Variants in NRSN1 observed in about 807,000 individuals in gnomAD.
NRSN1 encodes the protein neurensin 1.
In NRSN1, 14 loss-of-function variants were observed where a neutral mutation model predicts 17.3. The observed-to-expected ratio is 0.81, with a 90% CI of 0.54 to 1.27. NRSN1 has a LOEUF of 1.27. Among genes scored for constraint, NRSN1 ranks in the 50% most tolerant of loss-of-function variants. The pLI is 0.00. For missense variants in NRSN1, 209 were observed against 235.9 expected, an observed-to-expected ratio of 0.89 and a Z score of 0.75; for synonymous variants, 79 against 94.2, an observed-to-expected ratio of 0.84 and a Z score of 0.93.
At chr6:24,131,368 AAACAT>A (rs1760024904) in intron 2 of NRSN1, among the ~76,000 whole-genome samples, 1 of 152,202 alleles carries the variant, frequency 6.6e-6, no homozygotes, top group South Asian at 2.1e-4. Flanking sequence ...GCATCTAAGG[AAACAT>A]AACTCTTACT....
Position 24,145,704 on chromosome 6 carries a change from A to G in NRSN1, c.346A>G (p.Lys116Glu). The part of the protein sequence containing the change: ...VQFNSALDMY[K>E]LAGAVLFCIG... Reference sequence around the variant, plus strand: ...GTTTAACAGTGCTCTGGACATGTACAAGCTGGCAGGAGCTGTTCTCTTCTG... The same window carrying G: ...GTTTAACAGTGCTCTGGACATGTACGAGCTGGCAGGAGCTGTTCTCTTCTG... The change falls in exon 4 of 4, where the codon AAG becomes GAG. Residue 116 changes from lysine to glutamate, a missense_variant. Physicochemically the swap from Lys to Glu is moderately conservative, Grantham distance 56 (BLOSUM62 1). Coordinates refer to ENST00000378491, the MANE Select transcript of NRSN1 (RefSeq NM_080723.5). The surrounding 1 kb of genome is among the most constrained non-coding windows in gnomAD (Gnocchi z 4.4). 2 of 1,614,216 alleles carry G rather than the reference A, an allele frequency of 1.2e-6. No homozygotes were observed. The highest frequency in any genetic ancestry group is 1.7e-6 in the Non-Finnish European group (2 of 1,180,026).
At chr6:24,137,139 T>C (rs1018006357) in intron 3 of NRSN1, among the ~76,000 whole-genome samples, 5 of 152,238 alleles carry the variant, frequency 3.3e-5, no homozygotes, top group Admixed American at 2.6e-4. Flanking sequence ...AAGAGTCATG[T>C]TGGCCTCTCA....
Position 24,145,568 on chromosome 6 carries a change from A to G in NRSN1, c.210A>G (p.Thr70=), listed in dbSNP as rs201805273. 2 of 1,596,702 alleles carry G rather than the reference A, an allele frequency of 1.3e-6. No individual in the cohort carries two copies. The highest frequency in any genetic ancestry group is 2.3e-5 in the South Asian group (2 of 88,144). The change falls in exon 4 of 4, where the codon ACA becomes ACG. Residue 70 remains threonine (T), a synonymous_variant. Transcript: ENST00000378491. The surrounding 1 kb of genome is among the most constrained non-coding windows in gnomAD (Gnocchi z 4.4). ...TGTAGGTTGGACTCATCTCAGGTAC[A>G]GTTTTTGTGATCCTCGGATTGACTG... ...VFWKVGLISG[T]VFVILGLTVL... is the part of the protein sequence containing the mutation.
chr6:24,134,298 A>T (rs761529022), intron 2 of NRSN1, 21 bp from the exon 3 acceptor site: 128 of 1,605,368 alleles, frequency 8.0e-5, no homozygotes, highest in Middle Eastern at 1.7e-4. Context: ...GCATTAATCC[A>T]TGTGGATGTT....
chr6:24,130,794 G>A (rs1413689664), intron 2 of NRSN1, among the ~76,000 whole-genome samples: 1 of 152,080 alleles, frequency 6.6e-6, no homozygotes, highest in Non-Finnish European at 1.5e-5. Context: ...AGTAAACCTA[G>A]TTGTTCGTTC....
chr6:24,144,979 TA>T (rs1230787866), intron 3 of NRSN1, among the ~76,000 whole-genome samples: 15 of 144,642 alleles, frequency 1.0e-4, no homozygotes, highest in South Asian at 4.3e-4. Context: ...TGTACAAATT[TA>T]AAAAAAAAAG....
At chr6:24,138,366 G>C (rs1292856984) in intron 3 of NRSN1, among the ~76,000 whole-genome samples, 1 of 152,112 alleles carries the variant, frequency 6.6e-6, no homozygotes, top group Non-Finnish European at 1.5e-5. Flanking sequence ...ATCAGGCTAT[G>C]GTGGAATTTT....
intron 3 of NRSN1, among the ~76,000 whole-genome samples, chr6:24,140,342 G>C (rs1181769313): frequency 6.6e-6 from 1 of 152,190 alleles, no homozygotes; most frequent in African/African-American, 2.4e-5. Flanking sequence ...TTAGGTGGAA[G>C]AGCTGATGTG....
intron 3 of NRSN1, among the ~76,000 whole-genome samples, chr6:24,142,161 C>T (rs192993371): frequency 1.4e-5 from 2 of 138,404 alleles, no homozygotes; most frequent in Admixed American, 8.1e-5. Flanking sequence ...CCCAATTTTT[C>T]CCGTAGCACT....
At chr6:24,127,961 C>T (rs1402404) in intron 1 of NRSN1, among the ~76,000 whole-genome samples, 167 bp from the exon 2 acceptor site, 140,650 of 152,278 alleles carry the variant, frequency 0.92, 65,076 homozygotes, top group Non-Finnish European at 0.95. Flanking sequence ...TTCTAAAATA[C>T]AGTTTAGACT....
At position 24,141,150 on chromosome 6, in the gene NRSN1, G is replaced by A. The variant is rs958114378; in HGVS notation, c.190-4398G>A. 3 of 1,272,776 alleles carry A rather than the reference G, an allele frequency of 2.4e-6. No individual in the cohort carries two copies. In the African/African-American group the frequency reaches 4.6e-5, roughly 20 times the overall value. The allele number at this position is 1,272,776 out of a possible 1,614,324, so 78.8% of individuals were successfully genotyped here. ...ACTCTTCTGTGTGGCCCTAAACGAG[G>A]CTGCTTTGCTTCCTCAGAACTTTAA... On this transcript the variant is annotated intron_variant, in intron 3 of 3. Coordinates refer to ENST00000378491, the MANE Select transcript of NRSN1 (RefSeq NM_080723.5).
chr6:24,131,058 CT>C (rs1760019823), intron 2 of NRSN1, among the ~76,000 whole-genome samples: 1 of 152,168 alleles, frequency 6.6e-6, no homozygotes, highest in African/African-American at 2.4e-5. Flanking sequence ...TTTTGTGCCC[CT>C]GGAGGAGAAA....
chr6:24,141,089 G>T, intron 3 of NRSN1: 2 of 1,404,696 alleles, frequency 1.4e-6, no homozygotes, highest in Non-Finnish European at 1.9e-6. Flanking sequence ...AGGTTGCTCT[G>T]CTGAGCCTGG....
intron 3 of NRSN1, among the ~76,000 whole-genome samples, chr6:24,137,074 T>C (rs1218658035): frequency 6.6e-6 from 1 of 152,222 alleles, no homozygotes; most frequent in African/African-American, 2.4e-5. Context: ...AAATTGCATC[T>C]GTAGGTGGTT....
At chr6:24,136,693 T>A (rs1186054356) in intron 3 of NRSN1, among the ~76,000 whole-genome samples, 1 of 152,212 alleles carries the variant, frequency 6.6e-6, no homozygotes, top group South Asian at 2.1e-4. Flanking sequence ...TAAAACATAG[T>A]TATGGGTTTA....
At chr6:24,130,313 A>C (rs1014201422) in intron 2 of NRSN1, among the ~76,000 whole-genome samples, 4 of 152,306 alleles carry the variant, frequency 2.6e-5, no homozygotes, top group African/African-American at 9.6e-5. Context: ...ATAACTGCCC[A>C]GTCTTTAAAG....
At chr6:24,129,832 C>T (rs1760001626) in intron 2 of NRSN1, 1 of 152,140 alleles carries the variant, frequency 6.6e-6, no homozygotes, top group East Asian at 1.9e-4. Flanking sequence ...AGTAGAGCAT[C>T]CTTCAGAGAG....
At chr6:24,139,724 T>C (rs1218212933) in intron 3 of NRSN1, among the ~76,000 whole-genome samples, 1 of 152,170 alleles carries the variant, frequency 6.6e-6, no homozygotes, top group Non-Finnish European at 1.5e-5. Flanking sequence ...AATTAAACGC[T>C]AAAGAGAACA....
chr6:24,141,321 A>G, intron 3 of NRSN1: 2 of 1,137,266 alleles, frequency 1.8e-6, no homozygotes, highest in Admixed American at 4.3e-5. Context: ...TATCCTTTCC[A>G]GTACTCAGCA....
Sources: allele counts gnomAD v4.1 joint callset (sites outside exome capture counted in the v4.1 genomes callset), GRCh38; gene constraint gnomAD v4.1.1; non-coding constraint Gnocchi (gnomAD v3.1); transcripts MANE v1.5; gene names NCBI Gene and HGNC (gene_info 2026-07-23, HGNC 2026-07-21).